PIGN: variants seen among roughly 807,000 people sequenced by gnomAD.
PIGN encodes phosphatidylinositol glycan anchor biosynthesis class N, also known as GPI ethanolamine phosphate transferase 1.
PIGN carries 117 observed loss-of-function variants against 125.4 expected under a neutral mutation model. The observed-to-expected ratio is 0.93, with a 90% CI of 0.80 to 1.09. The LOEUF (loss-of-function observed/expected upper bound fraction) is 1.09. Ranked by LOEUF, PIGN falls within the 50% of genes least tolerant of loss-of-function variation. PIGN has a pLI of 0.00. For synonymous variants in PIGN, 392 were observed against 377.8 expected, an observed-to-expected ratio of 1.04 and a Z score of -0.44; for missense variants, 1,075 against 1,094.9, an observed-to-expected ratio of 0.98 and a Z score of 0.26.
At chr18:62,135,233 T>C (rs1406227648) in intron 14 of PIGN, among the ~76,000 whole-genome samples, 1 of 152,220 alleles carries the variant, frequency 6.6e-6, no homozygotes, top group African/African-American at 2.4e-5. Flanking sequence ...TTTCTGAGAA[T>C]TTTAATGTTT....
At chr18:62,151,111 C>T (rs1347267519) in intron 7 of PIGN, among the ~76,000 whole-genome samples, 1 of 152,156 alleles carries the variant, frequency 6.6e-6, no homozygotes, top group Non-Finnish European at 1.5e-5. Flanking sequence ...ACAGATGCTC[C>T]TCACTTGCAA....
intron 14 of PIGN, among the ~76,000 whole-genome samples, chr18:62,124,140 A>G (rs948142271): frequency 1.3e-5 from 2 of 152,122 alleles, no homozygotes; most frequent in African/African-American, 4.8e-5. Context: ...AAAACTGACT[A>G]TGTCTATATA....
At chr18:62,175,240 TG>T (rs2037485197) in intron 1 of PIGN, among the ~76,000 whole-genome samples, 1 of 151,626 alleles carries the variant, frequency 6.6e-6, no homozygotes. Context: ...AACTTCCAAA[TG>T]GTTTCCCTAC....
chr18:62,111,847 A>T (rs1194301091), intron 16 of PIGN, among the ~76,000 whole-genome samples: 1 of 152,232 alleles, frequency 6.6e-6, no homozygotes, highest in Non-Finnish European at 1.5e-5. Context: ...CTAGCATTGT[A>T]CCATACACTC....
chr18:62,180,252 A>G (rs1335607436), intron 1 of PIGN, among the ~76,000 whole-genome samples: 1 of 152,252 alleles, frequency 6.6e-6, no homozygotes, highest in Non-Finnish European at 1.5e-5. Flanking sequence ...GAAGTAGTAC[A>G]TGATTATTTT....
At chr18:62,128,648 T>C (rs565422447) in intron 14 of PIGN, among the ~76,000 whole-genome samples, 2 of 142,094 alleles carry the variant, frequency 1.4e-5, no homozygotes, top group South Asian at 2.4e-4. Context: ...TAGGTTGATA[T>C]GAGGAAAAAA....
intron 1 of PIGN, among the ~76,000 whole-genome samples, chr18:62,167,234 C>G (rs148617707): frequency 7.4e-6 from 1 of 135,816 alleles, no homozygotes; most frequent in African/African-American, 2.6e-5. Flanking sequence ...AAATCTCTCT[C>G]TATATATATA....
rs755462112 is a variant in PIGN at position 62,072,677 on chromosome 18, T to C, written c.2668A>G (p.Thr890Ala). 4 of 1,603,714 alleles carry C rather than the reference T, an allele frequency of 2.5e-6. No individual in the cohort carries two copies. The highest frequency in any genetic ancestry group is 1.7e-5 in the Admixed American group (1 of 59,032). The part of the protein sequence containing the change: ...KDYGSWLDIG[T>A]SISHYVIVMS... ...GCATGACCATATATACTATACCTTGTCCCAATATCAAGCCAGCTGCCATAA... is the reference window on the plus strand; with the variant it reads ...GCATGACCATATATACTATACCTTGCCCCAATATCAAGCCAGCTGCCATAA... Residue 890 changes from threonine to alanine, a missense_variant, in exon 30 of 31, where the codon ACA becomes GCA. Around this residue, in one of 3 missense-constraint regions of PIGN, gnomAD observed 915 missense variants for 908.7 expected, o/e 1.01. Transcript: ENST00000640252.
rs2036036922 is a variant in PIGN at position 62,139,002 on chromosome 18, T to A, written c.1097A>T (p.Gln366Leu). The change falls in exon 13 of 31, where the codon CAG (glutamine) becomes CTG (leucine). Residue 366 changes from glutamine (Q) to leucine (L), a missense_variant. Gln to Leu is a moderately radical substitution (Grantham distance 113, BLOSUM62 -2). This residue lies in a region of PIGN where 915 missense variants were observed against 908.7 expected (regional missense o/e 1.01). Coordinates refer to ENST00000640252, the MANE Select transcript of PIGN (RefSeq NM_176787.5). ...KAESMFTNAV[Q>L]ILEQFKVKMT... The stretch of plus-strand genomic sequence containing the variant: ...TTTTACCTTGAACTGTTCAAGAATC[T>A]GTACTGCATTTGTAAACATGCTCTC... 3 of 1,606,392 alleles carry A rather than the reference T, an allele frequency of 1.9e-6. No homozygotes were observed. The highest frequency in any genetic ancestry group is 2.6e-6 in the Non-Finnish European group (3 of 1,174,756).
chr18:62,159,605 T>C (rs2036867304), intron 4 of PIGN, among the ~76,000 whole-genome samples: 1 of 148,424 alleles, frequency 6.7e-6, no homozygotes. Flanking sequence ...TTGACTTGAG[T>C]CTCTCTTTTC....
chr18:62,131,311 T>C (rs555966247), intron 14 of PIGN, among the ~76,000 whole-genome samples: 1 of 152,286 alleles, frequency 6.6e-6, no homozygotes, highest in South Asian at 2.1e-4. Flanking sequence ...CCCTTCCCAA[T>C]TCCGTATTCT....
chr18:62,110,787 A>C (rs1186556135), intron 16 of PIGN, among the ~76,000 whole-genome samples: 1 of 151,348 alleles, frequency 6.6e-6, no homozygotes, highest in Non-Finnish European at 1.5e-5. Flanking sequence ...ACATGTGTAC[A>C]TATGTAACAA....
chr18:62,061,476 C>T (rs1266933555), intron 30 of PIGN, among the ~76,000 whole-genome samples: 1 of 66,454 alleles, frequency 1.5e-5, no homozygotes, highest in Non-Finnish European at 3.1e-5. Flanking sequence ...CTGCAGTCCG[C>T]ATTCCGGCCT....
At chr18:62,029,831 A>T (rs1229842228) in intron 23 of PIGN, among the ~76,000 whole-genome samples, 1 of 152,162 alleles carries the variant, frequency 6.6e-6, no homozygotes, top group Non-Finnish European at 1.5e-5. Context: ...ATTGGGTCAA[A>T]CTCATAAAAC....
At chr18:62,054,798 G>A (rs1361634490) in intron 30 of PIGN, among the ~76,000 whole-genome samples, 4 of 151,906 alleles carry the variant, frequency 2.6e-5, no homozygotes, top group Non-Finnish European at 2.9e-5. Context: ...CAGCTACAAA[G>A]GACTATTTCC....
intron 28 of PIGN, among the ~76,000 whole-genome samples, chr18:62,076,316 T>C (rs1315885563): frequency 6.6e-6 from 1 of 152,246 alleles, no homozygotes; most frequent in Non-Finnish European, 1.5e-5. Context: ...GTATATCTTC[T>C]TCAGGTGTTT....
At chr18:62,050,176 G>T (rs1221888627) in intron 30 of PIGN, among the ~76,000 whole-genome samples, 3 of 145,014 alleles carry the variant, frequency 2.1e-5, no homozygotes, top group African/African-American at 7.6e-5. Flanking sequence ...TTGACTTGGC[G>T]ATGCGGGCTC....
chr18:62,177,704 T>C (rs1253901357), intron 1 of PIGN, among the ~76,000 whole-genome samples: 2 of 152,252 alleles, frequency 1.3e-5, no homozygotes, highest in Non-Finnish European at 2.9e-5. Flanking sequence ...GTTCAGCCTT[T>C]TGTTTAGTAA....
intron 30 of PIGN, chr18:62,052,514 A>C (rs907132875): frequency 1.5e-5 from 2 of 137,704 alleles, no homozygotes; most frequent in Non-Finnish European, 3.2e-5. Context: ...ATCAGAGACT[A>C]GGATTGCAAC....
Sources: gnomAD v4.1 joint callset for allele counts (sites outside exome capture counted in the v4.1 genomes callset) on GRCh38, gnomAD v4.1.1 for gene constraint, gnomAD v4.1.1 regional missense constraint, MANE v1.5 for transcripts, NCBI Gene and HGNC (gene_info 2026-07-23, HGNC 2026-07-21) for gene names.